Variants in PCDH7 observed in about 807,000 individuals in gnomAD.
PCDH7 encodes protocadherin 7, also known as protocadherin-7.
In PCDH7, 17 loss-of-function variants were observed where a neutral mutation model predicts 58.9. That is an observed-to-expected ratio of 0.29 (90% CI 0.20 to 0.43). The LOEUF (loss-of-function observed/expected upper bound fraction) is 0.43, where lower values mean the gene tolerates loss of function less well. Ranked by LOEUF, PCDH7 falls within the 20% of genes least tolerant of loss-of-function variation. PCDH7 has a pLI of 1.00. For missense variants in PCDH7, 1,274 were observed against 1,441.0 expected, an observed-to-expected ratio of 0.88 and a Z score of 1.88; for synonymous variants, 664 against 616.4, an observed-to-expected ratio of 1.08 and a Z score of -1.14.
At chr4:31,058,596 G>C (rs1490919888) in intron 3 of PCDH7, among the ~76,000 whole-genome samples, 1 of 152,028 alleles carries the variant, frequency 6.6e-6, no homozygotes, top group East Asian at 1.9e-4. Context: ...GCTTCCTGAG[G>C]ACAATAAATA....
At chr4:30,969,574 C>G (rs1180563044) in intron 3 of PCDH7, among the ~76,000 whole-genome samples, 2 of 152,074 alleles carry the variant, frequency 1.3e-5, no homozygotes, top group East Asian at 1.9e-4. Context: ...AGCCTCATCT[C>G]TAAATGTATA....
intron 3 of PCDH7, among the ~76,000 whole-genome samples, chr4:30,996,228 A>G (rs1751887957): frequency 1.3e-5 from 2 of 152,156 alleles, no homozygotes; most frequent in Non-Finnish European, 2.9e-5. Context: ...TCTCACCCAA[A>G]TAGTCATAGC....
At chr4:30,777,433 G>T (rs1436178466) in intron 1 of PCDH7, among the ~76,000 whole-genome samples, 1 of 152,150 alleles carries the variant, frequency 6.6e-6, no homozygotes, top group East Asian at 1.9e-4. Context: ...TAGTAAATGA[G>T]TGGTGATCAC....
At chr4:31,133,587 G>C (rs767883528) in intron 3 of PCDH7, among the ~76,000 whole-genome samples, 1 of 152,028 alleles carries the variant, frequency 6.6e-6, no homozygotes, top group Admixed American at 6.6e-5. Flanking sequence ...TCCTCTCCAC[G>C]CTGCTCCTTC....
intron 3 of PCDH7, among the ~76,000 whole-genome samples, chr4:30,991,213 T>C (rs2109124008): frequency 6.6e-6 from 1 of 152,306 alleles, no homozygotes; most frequent in Non-Finnish European, 1.5e-5. Context: ...GAAAATGATG[T>C]CTGCTAAATT....
chr4:30,997,383 T>A (rs1751993841), intron 3 of PCDH7, among the ~76,000 whole-genome samples: 1 of 152,194 alleles, frequency 6.6e-6, no homozygotes, highest in Admixed American at 6.5e-5. Context: ...TGTTAGAATT[T>A]AAAATGCTTT....
intron 3 of PCDH7, among the ~76,000 whole-genome samples, chr4:31,041,112 A>G (rs971267901): frequency 2.0e-5 from 3 of 152,128 alleles, no homozygotes; most frequent in Admixed American, 6.5e-5. Context: ...CATCAACTCT[A>G]TAAGGGATTT....
At chr4:31,021,847 C>G (rs1241946158) in intron 3 of PCDH7, among the ~76,000 whole-genome samples, 1 of 151,836 alleles carries the variant, frequency 6.6e-6, no homozygotes, top group Non-Finnish European at 1.5e-5. Flanking sequence ...GTTGCTATGA[C>G]AGAAGAAAAT....
chr4:30,721,254 C>G lies in PCDH7; in HGVS notation c.-169C>G. ...CTATCGCTGCCCTCCCACCCCCATT[C>G]CCGGCCAACTCTCCACGCCGCTTTT... is the stretch of plus-strand genomic sequence containing the variant. On this transcript the variant is annotated 5_prime_UTR_variant, in exon 1 of 2. Transcript: ENST00000361762. The surrounding 1 kb of genome is among the most constrained non-coding windows in gnomAD (Gnocchi z 6.7). 1 of 599,196 alleles carries G rather than the reference C, an allele frequency of 1.7e-6. No homozygotes were observed. The highest frequency in any genetic ancestry group is 2.8e-6 in the Non-Finnish European group (1 of 353,666). 37.1% of individuals were successfully genotyped at this position (599,196 alleles called of 1,614,324 possible).
intron 1 of PCDH7, among the ~76,000 whole-genome samples, chr4:30,842,722 T>C (rs1196323509): frequency 1.3e-5 from 2 of 152,060 alleles, no homozygotes; most frequent in African/African-American, 4.8e-5. Context: ...TTATATTCTG[T>C]AGGAGGCATT....
chr4:30,724,204 C>A, exon 1 of PCDH7: 2 of 1,613,910 alleles, frequency 1.2e-6, no homozygotes, highest in Admixed American at 1.7e-5. Flanking sequence ...ACCCCAACAG[C>A]ATGACAAATC....
At chr4:30,875,107 T>C (rs769042440) in intron 1 of PCDH7, among the ~76,000 whole-genome samples, 8 of 152,086 alleles carry the variant, frequency 5.3e-5, no homozygotes, top group Non-Finnish European at 1.2e-4. Flanking sequence ...CTAAACAACA[T>C]GAATTTATTT....
chr4:30,997,583 T>G (rs1252679432), intron 3 of PCDH7, among the ~76,000 whole-genome samples: 2 of 152,172 alleles, frequency 1.3e-5, no homozygotes, highest in Non-Finnish European at 2.9e-5. Flanking sequence ...TTAAAGATGG[T>G]GATTTAAATT....
At chr4:30,792,802 A>G (rs1724299959) in intron 1 of PCDH7, among the ~76,000 whole-genome samples, 1 of 152,180 alleles carries the variant, frequency 6.6e-6, no homozygotes, top group African/African-American at 2.4e-5. Flanking sequence ...TTTCTCCCCT[A>G]TGTGTCAGAC....
At chr4:30,904,489 C>T (rs1740656186) in intron 1 of PCDH7, among the ~76,000 whole-genome samples, 1 of 152,144 alleles carries the variant, frequency 6.6e-6, no homozygotes, top group Non-Finnish European at 1.5e-5. Flanking sequence ...AGACAATTTA[C>T]CCATTTTAAA....
rs747163675 is a variant in PCDH7 at position 30,769,563 on chromosome 4, G to C, written c.70+44967G>C. ...TAGTTAATACTTAATTCTTAAATTT[G>C]AGATGTTACTGTTTTAAGATACACT... On this transcript the variant is annotated intron_variant, in intron 1 of 3. Coordinates refer to the PCDH7 transcript ENST00000509759. 6.2e-4 allele frequency among the ~76,000 whole-genome samples: 94 copies of C among 152,096 alleles called. 2 individuals carry two copies. Among genetic ancestry groups the C allele is most frequent in the Non-Finnish European group, 1.5e-4 (10 of 68,020 alleles).
intron 1 of PCDH7, among the ~76,000 whole-genome samples, chr4:30,791,483 G>A (rs985009438): frequency 9.2e-5 from 14 of 152,094 alleles, no homozygotes; most frequent in Admixed American, 3.3e-4. Flanking sequence ...TCTTATTGTT[G>A]TTTCTATACT....
chr4:31,137,524 C>T (rs892054430), intron 3 of PCDH7, among the ~76,000 whole-genome samples: 1 of 152,186 alleles, frequency 6.6e-6, no homozygotes, highest in Non-Finnish European at 1.5e-5. Flanking sequence ...GCAGAGGTTG[C>T]AATGAGCCGA....
At chr4:30,926,475 C>T (rs1743889049) in intron 2 of PCDH7, among the ~76,000 whole-genome samples, 1 of 152,206 alleles carries the variant, frequency 6.6e-6, no homozygotes, top group African/African-American at 2.4e-5. Context: ...TGAGCCACCA[C>T]ACCCAGCCAA....
Sources: allele counts gnomAD v4.1 joint callset (sites outside exome capture counted in the v4.1 genomes callset), GRCh38; gene constraint gnomAD v4.1.1; non-coding constraint Gnocchi (gnomAD v3.1); transcripts MANE v1.5; gene names NCBI Gene and HGNC (gene_info 2026-07-23, HGNC 2026-07-21).